The following ALDH3B1 variants were observed in gnomAD, a reference collection of about 807,000 sequenced individuals.
The protein encoded by ALDH3B1 is aldehyde dehydrogenase family 3 member B1.
A neutral mutation model predicts 46.2 loss-of-function variants in ALDH3B1; 37 were observed. The observed-to-expected ratio is 0.80, with a 90% confidence interval of 0.62 to 1.05. The LOEUF (loss-of-function observed/expected upper bound fraction) is 1.05, where lower values mean the gene tolerates loss of function less well. Among genes scored for constraint, ALDH3B1 ranks in the 50% least tolerant of loss-of-function variants. The pLI is 0.00. For missense variants in ALDH3B1, 603 were observed against 665.5 expected (o/e 0.91, Z 1.03); for synonymous variants, 283 against 281.0 (o/e 1.01, Z -0.07).
chr11:68,021,183 G>T (rs932793365), intron 6 of ALDH3B1, among the ~76,000 whole-genome samples: 11 of 152,138 alleles, frequency 7.2e-5, no homozygotes, highest in Non-Finnish European at 2.9e-5. Context: ...CCCCTGCAGG[G>T]TCAGCCAGGG....
In ALDH3B1 at chr11:68,022,692, C is replaced by T. The variant is rs116575761; in HGVS notation, c.1047C>T (p.Asp349=). The change falls in exon 8 of 10, where the codon GAC becomes GAT. Residue 349 remains aspartate, a synonymous_variant. Transcript: ENST00000342456. The part of the protein sequence containing the change: ...ILPIVNVQSL[D]EAIEFINRRE... ...CCATCGTGAACGTGCAGAGCTTGGA[C>T]GAGGCCATCGAGTTCATCAACCGGC... 535 of 1,614,154 alleles carry T rather than the reference C, an allele frequency of 3.3e-4. 3 individuals are homozygous for T. In the African/African-American group the frequency reaches 6.1e-3, roughly 18 times the overall value.
Position 68,018,773 on chromosome 11 carries a change from G to A in ALDH3B1, c.274G>A (p.Ala92Thr). 1 of 1,552,570 alleles carries A rather than the reference G, an allele frequency of 6.4e-7. No individual in the cohort carries two copies. The highest frequency in any genetic ancestry group is 2.4e-5 in the East Asian group (1 of 40,978). Reference protein sequence around the residue: ...MKDERVPKNLATQLDSAFIRK... With the variant: ...MKDERVPKNLTTQLDSAFIRK... ...ATTTCATCCCCGGCTCCCGGCCCAGGCCACGCAGCTGGACTCCGCCTTCAT... is the reference window on the plus strand; with the variant it reads ...ATTTCATCCCCGGCTCCCGGCCCAGACCACGCAGCTGGACTCCGCCTTCAT... The change falls in exon 4 of 10, where the codon GCC (alanine) becomes ACC (threonine). Residue 92 changes from alanine (A) to threonine (T), a missense_variant and splice_region_variant. Ala to Thr is a moderately conservative substitution (Grantham distance 58). Transcript: ENST00000342456.
rs761526558 is a variant in ALDH3B1 at position 68,015,281 on chromosome 11, C to G, written c.-1-16C>G. The G allele has an allele frequency of 2.0e-6, 3 of 1,464,252 alleles. No homozygotes were observed. In the Admixed American group the frequency reaches 7.5e-5, roughly 37 times the overall value. The allele number at this position is 1,464,252 out of a possible 1,614,324, so 90.7% of individuals were successfully genotyped here. Reference sequence around the variant, plus strand: ...GGCAGCCCTGGCCACCCAGTTCATGCCACCCCATCTGGCAGGATGGACCCC... The same window carrying G: ...GGCAGCCCTGGCCACCCAGTTCATGGCACCCCATCTGGCAGGATGGACCCC... On this transcript the variant is annotated splice_polypyrimidine_tract_variant and intron_variant, in intron 1 of 9. Transcript: ENST00000342456.
chr11:68,025,922 C>T, intron 8 of ALDH3B1, 87 bp from the exon 9 acceptor site: 1 of 961,810 alleles, frequency 1.0e-6, no homozygotes, highest in Non-Finnish European at 1.5e-6. Context: ...AGATCAGTGT[C>T]ACAGAGTCCA....
At chr11:68,015,599 C>T (rs559836092) in intron 2 of ALDH3B1, 140 bp downstream of exon 2, 2 of 1,063,332 alleles carry the variant, frequency 1.9e-6, no homozygotes, top group Admixed American at 2.0e-5. Context: ...CAGAGCCACC[C>T]TTGCACATTC....
chr11:68,022,739 A>G lies in ALDH3B1; in HGVS notation c.1094A>G (p.Tyr365Cys), dbSNP rs745309239. Reference protein sequence around the residue: ...INRREKPLALYAFSNSSQVVK... With the variant: ...INRREKPLALCAFSNSSQVVK... ...CGGCGGGAGAAGCCCCTGGCCCTGTACGCCTTCTCCAACAGCAGCCAGGTG... is the reference window on the plus strand; with the variant it reads ...CGGCGGGAGAAGCCCCTGGCCCTGTGCGCCTTCTCCAACAGCAGCCAGGTG... The change falls in exon 8 of 10, where the codon TAC becomes TGC. Residue 365 changes from tyrosine (Y) to cysteine (C), a missense_variant. Transcript: ENST00000342456. The G allele has an allele frequency of 1.9e-5, 31 of 1,613,988 alleles. No homozygotes were observed. In the East Asian group the frequency reaches 6.5e-4, roughly 34 times the overall value.
intron 6 of ALDH3B1, among the ~76,000 whole-genome samples, chr11:68,020,228 T>G (rs1857457561): frequency 6.6e-6 from 1 of 151,442 alleles, no homozygotes; most frequent in Admixed American, 6.6e-5. Context: ...CAGAGGTCAC[T>G]TTTTTTTTCT....
chr11:68,019,941 C>A, intron 6 of ALDH3B1, 145 bp downstream of exon 6: 1 of 866,170 alleles, frequency 1.2e-6, no homozygotes, highest in South Asian at 1.7e-5. Context: ...GTCCTGGACC[C>A]CCAGGACCCC....
intron 1 of ALDH3B1, among the ~76,000 whole-genome samples, chr11:68,010,605 G>C (rs149311804): frequency 6.6e-6 from 1 of 152,150 alleles, no homozygotes; most frequent in East Asian, 1.9e-4. Context: ...GCGAGGTCCC[G>C]GGCACCCCCC....
intron 1 of ALDH3B1, among the ~76,000 whole-genome samples, chr11:68,011,931 G>A (rs1857240906): frequency 6.6e-6 from 1 of 152,214 alleles, no homozygotes; most frequent in Non-Finnish European, 1.5e-5. Context: ...TTTACAGATG[G>A]GAAACGTGAA....
chr11:68,013,661 C>G (rs1259542438), intron 1 of ALDH3B1, among the ~76,000 whole-genome samples: 1 of 152,214 alleles, frequency 6.6e-6, no homozygotes, highest in Non-Finnish European at 1.5e-5. Context: ...CCATTAGCAT[C>G]CCCATTTCAC....
At position 68,021,515 on chromosome 11, in the gene ALDH3B1, C is replaced by T. The variant is rs1447902748; in HGVS notation, c.593C>T (p.Thr198Ile). Residue 198 changes from threonine to isoleucine, a missense_variant, in exon 7 of 10, where the codon ACT (threonine) becomes ATT (isoleucine). Thr to Ile is a moderately conservative substitution (Grantham distance 89). Transcript: ENST00000342456. ...GSPRVGKIVM[T>I]AAAKHLTPVT... ...CCTCGTGTGGGCAAGATTGTTATGA[C>T]TGCTGCCGCCAAGCACCTGACACCT... 4 of 1,613,530 alleles carry T rather than the reference C, an allele frequency of 2.5e-6. No homozygotes were observed. In the East Asian group the frequency reaches 6.7e-5, roughly 27 times the overall value.
chr11:68,012,957 T>C (rs760979674), intron 1 of ALDH3B1, among the ~76,000 whole-genome samples: 25 of 151,880 alleles, frequency 1.6e-4, no homozygotes, highest in Non-Finnish European at 3.4e-4. Flanking sequence ...GCCGTGGTGG[T>C]GAAATGAGCG....
Position 68,015,407 on chromosome 11 carries a change from T to C in ALDH3B1, c.110T>C (p.Leu37Pro). 1.3e-6 allele frequency: 2 copies of C among 1,556,456 alleles called. No individual in the cohort carries two copies. The highest frequency in any genetic ancestry group is 1.7e-6 in the Non-Finnish European group (2 of 1,150,452). ...CAGCTCCAAGGCCTGGGCCGCTTCC[T>C]GCAAGAAAACAAGCAGCTTCTGCAC... ...AAQLQGLGRF[L>P]QENKQLLHDA... Residue 37 changes from leucine (L) to proline (P), a missense_variant, in exon 2 of 10, where the codon CTG (leucine) becomes CCG (proline). Coordinates refer to ENST00000342456, the MANE Select transcript of ALDH3B1 (RefSeq NM_000694.4).
At position 68,027,867 on chromosome 11, in the gene ALDH3B1, G is replaced by A. The variant is rs569239765; in HGVS notation, c.1335G>A (p.Pro445=). Residue 445 remains proline (P), a synonymous_variant, in exon 10 of 10, where the codon CCG becomes CCA. Transcript: ENST00000342456. ...MEKLNALRYP[P]QSPRRLRMLL... ...AGCTCAACGCCCTCCGCTACCCGCCGCAATCGCCGCGCCGCCTGAGGATGC... is the reference window on the plus strand; with the variant it reads ...AGCTCAACGCCCTCCGCTACCCGCCACAATCGCCGCGCCGCCTGAGGATGC... The A allele has an allele frequency of 2.8e-5, 44 of 1,561,704 alleles. No individual in the cohort carries two copies. The East Asian group carries it at 2.9e-4, about 10-fold the overall frequency.
rs2286168 is a variant in ALDH3B1 at position 68,021,669 on chromosome 11, C to T, written c.747C>T (p.Tyr249=). 367,653 of 1,613,870 alleles carry T rather than the reference C, an allele frequency of 0.23. 42,981 individuals are homozygous for T. Among genetic ancestry groups the T allele is most frequent in the African/African-American group, 0.28 (20,605 of 74,926 alleles). ...NAGQTCVAPD[Y]VLCSPEMQER... ...GCCAGACCTGCGTGGCCCCCGACTA[C>T]GTCCTATGCAGCCCTGAGATGCAGG... is the stretch of plus-strand genomic sequence containing the variant. The change falls in exon 7 of 10, where the codon TAC becomes TAT. Residue 249 remains tyrosine (Y), a synonymous_variant. Coordinates refer to ENST00000342456, the MANE Select transcript of ALDH3B1 (RefSeq NM_000694.4).
intron 1 of ALDH3B1, among the ~76,000 whole-genome samples, chr11:68,012,716 G>A (rs1032441642): frequency 4.6e-5 from 7 of 152,214 alleles, no homozygotes; most frequent in African/African-American, 1.7e-4. Context: ...AGTCCACCCA[G>A]CCTTGGGTCT....
rs758732946 is a variant in ALDH3B1, at chr11:68,019,754, G to A, written c.520G>A (p.Gly174Arg). The change falls in exon 6 of 10, where the codon GGG becomes AGG. Residue 174 changes from glycine to arginine, a missense_variant. Physicochemically the swap from Gly to Arg is moderately radical, Grantham distance 125. Coordinates refer to ENST00000342456, the MANE Select transcript of ALDH3B1 (RefSeq NM_000694.4). ...GGTGCTGGGCGGGCCCCAGGAGACG[G>A]GGCAGCTGCTAGAGCACAGGTTCGA... Reference protein sequence around the residue: ...AVVLGGPQETGQLLEHRFDYI... With the variant: ...AVVLGGPQETRQLLEHRFDYI... The A allele has an allele frequency of 6.2e-7, 1 of 1,614,174 alleles. No homozygotes were observed. The highest frequency in any genetic ancestry group is 1.1e-5 in the South Asian group (1 of 91,082).
rs758252408 is a variant in ALDH3B1 at position 68,028,084 on chromosome 11, TC to T, written c.*147del. ...CTCAAAGCAGCGCCTGCCTCCTCCCTCCTGGGTCTTCCCTCTCCCTGCCTCA... is the reference window on the plus strand; with the variant it reads ...CTCAAAGCAGCGCCTGCCTCCTCCCTCTGGGTCTTCCCTCTCCCTGCCTCA... On this transcript the variant is annotated 3_prime_UTR_variant, in exon 10 of 10. Transcript: ENST00000342456. 18 of 1,076,570 alleles carry T rather than the reference TC, an allele frequency of 1.7e-5. No homozygotes were observed. The highest frequency in any genetic ancestry group is 2.6e-5 in the Non-Finnish European group (18 of 704,380). The allele number at this position is 1,076,570 out of a possible 1,614,324, so 66.7% of individuals were successfully genotyped here.
Sources: allele counts gnomAD v4.1 joint callset (sites outside exome capture counted in the v4.1 genomes callset), GRCh38; gene constraint gnomAD v4.1.1; transcripts MANE v1.5; gene names NCBI Gene and HGNC (gene_info 2026-07-23, HGNC 2026-07-21).